ADAM22: variants seen among roughly 807,000 people sequenced by gnomAD.
ADAM22 encodes the protein ADAM metallopeptidase domain 22, also known as disintegrin and metalloproteinase domain-containing protein 22.
ADAM22 carries 65 observed loss-of-function variants against 144.6 expected under a neutral mutation model. The observed-to-expected ratio is 0.45, with a 90% CI of 0.37 to 0.55. ADAM22 has a LOEUF of 0.55. Among genes scored for constraint, ADAM22 ranks in the 20% least tolerant of loss-of-function variants. ADAM22 has a pLI of 0.00. For synonymous variants in ADAM22, 391 were observed against 412.6 expected (o/e 0.95, Z 0.63); for missense variants, 974 against 1,184.9 (o/e 0.82, Z 2.61).
intron 22 of ADAM22, among the ~76,000 whole-genome samples, chr7:88,158,443 A>G (rs1444721516): frequency 6.6e-6 from 1 of 152,178 alleles, no homozygotes; most frequent in Non-Finnish European, 1.5e-5. Context: ...AAAACAACAC[A>G]GTATATATTC....
In ADAM22 at chr7:87,980,287, C is replaced by CTTTTTTTTTTTTTTTTTTTTT. The variant is rs71120015; in HGVS notation, c.323+1887_323+1888insTTTTTTTTTTTTTTTTTTTTT. Among the ~76,000 whole-genome samples, 2 of 118,394 alleles carry CTTTTTTTTTTTTTTTTTTTTT rather than the reference C, an allele frequency of 1.7e-5. 1 individual carries two copies. 77.7% of individuals were successfully genotyped at this position (118,394 alleles called of 152,430 possible). On this transcript the variant is annotated intron_variant, in intron 3 of 31. Coordinates refer to ENST00000413139, the MANE Select transcript of ADAM22 (RefSeq NM_001324418.2). ...TGGGCTGAGAAACATGCACTGTGCT[C>CTTTTTTTTTTTTTTTTTTTTT]TTTTTTTTTTTTGCCTGGGATCGAT... is the stretch of plus-strand genomic sequence containing the variant.
At chr7:88,106,152 G>A (rs1824323209) in intron 4 of ADAM22, among the ~76,000 whole-genome samples, 2 of 152,214 alleles carry the variant, frequency 1.3e-5, no homozygotes, top group South Asian at 2.1e-4. Context: ...ACTTGTTTCA[G>A]CCCCCAAGAC....
chr7:87,999,646 T>TA (rs779613883), intron 3 of ADAM22, among the ~76,000 whole-genome samples: 5 of 152,182 alleles, frequency 3.3e-5, no homozygotes, highest in African/African-American at 7.2e-5. Flanking sequence ...TTTTAAAACT[T>TA]AGAGGGGAAA....
At chr7:88,166,407 C>G (rs1842953394) in intron 24 of ADAM22, among the ~76,000 whole-genome samples, 2 of 152,070 alleles carry the variant, frequency 1.3e-5, no homozygotes, top group Admixed American at 6.6e-5. Context: ...AGTTAGTAAT[C>G]CTGGCCAAGG....
chr7:87,935,108 C>A lies in ADAM22; in HGVS notation c.168C>A (p.Ile56=). ...AGAGCATCGTGCCACTGCGCCTCATCTACCGCTCGGGCGGCGAAGACGAAA... is the reference window on the plus strand; with the variant it reads ...AGAGCATCGTGCCACTGCGCCTCATATACCGCTCGGGCGGCGAAGACGAAA... ...ERQSIVPLRL[I]YRSGGEDESR... is the part of the protein sequence containing the mutation. Residue 56 remains isoleucine (I), a synonymous_variant, in exon 2 of 32, where the codon ATC becomes ATA. Transcript: ENST00000413139. 1 of 1,614,004 alleles carries A rather than the reference C, an allele frequency of 6.2e-7. No individual in the cohort carries two copies. Among genetic ancestry groups the A allele is most frequent in the African/African-American group, 1.3e-5 (1 of 75,056 alleles).
At chr7:88,086,956 G>A (rs1231027966) in intron 4 of ADAM22, among the ~76,000 whole-genome samples, 2 of 152,084 alleles carry the variant, frequency 1.3e-5, no homozygotes, top group Non-Finnish European at 2.9e-5. Flanking sequence ...TGATGTGATA[G>A]TCACATAAAT....
rs991483277 is a variant in ADAM22 at position 88,190,229 on chromosome 7, A to G, written c.2751-2887A>G. Among the ~76,000 whole-genome samples, 4 of 152,308 alleles carry G rather than the reference A, an allele frequency of 2.6e-5. No individual in the cohort carries two copies. In the East Asian group the frequency reaches 5.8e-4, roughly 22 times the overall value. ...TAATAGGGTATCCATTATGGTAATTATAGTTTTTAAAAATACAGTAATGGG... is the reference window on the plus strand; with the variant it reads ...TAATAGGGTATCCATTATGGTAATTGTAGTTTTTAAAAATACAGTAATGGG... On this transcript the variant is annotated intron_variant, in intron 30 of 31. Coordinates refer to ENST00000413139, the MANE Select transcript of ADAM22 (RefSeq NM_001324418.2).
chr7:88,192,089 C>T (rs1369886018), intron 30 of ADAM22, among the ~76,000 whole-genome samples: 1 of 152,140 alleles, frequency 6.6e-6, no homozygotes, highest in Non-Finnish European at 1.5e-5. Flanking sequence ...AGTGCTACCC[C>T]CGCCCCTCCC....
intron 8 of ADAM22, among the ~76,000 whole-genome samples, chr7:88,126,197 C>T (rs1467088372): frequency 1.3e-5 from 2 of 151,938 alleles, no homozygotes; most frequent in African/African-American, 2.4e-5. Context: ...CAAATGAAGT[C>T]GGTACTATTA....
intron 7 of ADAM22, among the ~76,000 whole-genome samples, chr7:88,124,176 C>CT (rs1055503006): frequency 3.3e-5 from 5 of 150,878 alleles, no homozygotes; most frequent in African/African-American, 7.3e-5. Context: ...ATTCTGTTTA[C>CT]TTTTTTTTTC....
intron 14 of ADAM22, among the ~76,000 whole-genome samples, chr7:88,139,179 A>G (rs1270871530): frequency 6.6e-6 from 1 of 152,174 alleles, no homozygotes; most frequent in South Asian, 2.1e-4. Context: ...GCACTTTGGG[A>G]GGCCGAGGTG....
At chr7:88,143,156 A>G in intron 15 of ADAM22, 31 bp downstream of exon 15, 2 of 1,360,604 alleles carry the variant, frequency 1.5e-6, no homozygotes, top group Non-Finnish European at 2.1e-6. Flanking sequence ...GGTTTATAAT[A>G]TTAATTATCA....
intron 2 of ADAM22, among the ~76,000 whole-genome samples, chr7:87,976,601 G>A (rs888192124): frequency 2.6e-5 from 4 of 152,282 alleles, no homozygotes; most frequent in East Asian, 1.9e-4. Flanking sequence ...ACGACTATAG[G>A]TGGAACTTGA....
intron 2 of ADAM22, among the ~76,000 whole-genome samples, chr7:87,954,059 T>C (rs890623094): frequency 2.1e-4 from 32 of 152,322 alleles, no homozygotes; most frequent in Non-Finnish European, 3.7e-4. Context: ...ATGGGTTTCC[T>C]GAATACAGCA....
At chr7:88,148,749 A>G (rs561110725) in intron 17 of ADAM22, among the ~76,000 whole-genome samples, 18 of 152,334 alleles carry the variant, frequency 1.2e-4, no homozygotes, top group Non-Finnish European at 2.2e-4. Context: ...GCAGTATAAT[A>G]TAAGGCTTAT....
At chr7:88,101,347 G>A (rs1030945529) in intron 4 of ADAM22, among the ~76,000 whole-genome samples, 2 of 152,126 alleles carry the variant, frequency 1.3e-5, no homozygotes, top group African/African-American at 4.8e-5. Flanking sequence ...AGGGGGAGAA[G>A]GCTATGATTC....
At chr7:88,101,933 A>G (rs1823041043) in intron 4 of ADAM22, among the ~76,000 whole-genome samples, 2 of 152,314 alleles carry the variant, frequency 1.3e-5, no homozygotes, top group South Asian at 4.1e-4. Context: ...AGAAATTTGC[A>G]TTTCTAACAA....
chr7:88,042,659 AAAT>A (rs533600746), intron 3 of ADAM22, among the ~76,000 whole-genome samples: 13 of 152,038 alleles, frequency 8.6e-5, no homozygotes, highest in African/African-American at 3.1e-4. Context: ...TTAGGAAAAA[AAAT>A]AGATTTGTGG....
intron 7 of ADAM22, among the ~76,000 whole-genome samples, chr7:88,117,289 G>T (rs1006373863): frequency 1.3e-5 from 2 of 152,068 alleles, no homozygotes; most frequent in Non-Finnish European, 2.9e-5. Context: ...TACCTAAATG[G>T]ATCTAGGTTA....
Sources: allele counts gnomAD v4.1 joint callset (sites outside exome capture counted in the v4.1 genomes callset), GRCh38; gene constraint gnomAD v4.1.1; transcripts MANE v1.5; gene names NCBI Gene and HGNC (gene_info 2026-07-23, HGNC 2026-07-21).